The following SNTG2 variants were observed in gnomAD, a reference collection of about 807,000 sequenced individuals.
The protein encoded by SNTG2 is gamma-2-syntrophin.
A neutral mutation model predicts 70.9 loss-of-function variants in SNTG2; 74 were observed. The observed-to-expected ratio is 1.04, with a 90% confidence interval of 0.86 to 1.27. The LOEUF is 1.27. Among genes scored for constraint, SNTG2 ranks in the 50% most tolerant of loss-of-function variants. The pLI, the probability that SNTG2 is intolerant of heterozygous loss-of-function variation, is 0.00. For missense variants in SNTG2, 717 were observed against 690.7 expected (o/e 1.04, Z -0.43); for synonymous variants, 278 against 273.8 (o/e 1.02, Z -0.15).
At chr2:1,301,758 A>AT (rs201463773) in intron 14 of SNTG2, among the ~76,000 whole-genome samples, 2 of 152,180 alleles carry the variant, frequency 1.3e-5, no homozygotes, top group East Asian at 3.8e-4. Flanking sequence ...TATTTTAGTA[A>AT]TTAAAAAAAT....
intron 13 of SNTG2, among the ~76,000 whole-genome samples, chr2:1,265,838 G>T (rs1278799867): frequency 2.6e-5 from 4 of 152,224 alleles, no homozygotes; most frequent in African/African-American, 9.6e-5. Flanking sequence ...CATATGCAGG[G>T]CTGTGGGTGA....
At chr2:1,045,921 A>G (rs1661709009) in intron 1 of SNTG2, among the ~76,000 whole-genome samples, 1 of 151,954 alleles carries the variant, frequency 6.6e-6, no homozygotes, top group Non-Finnish European at 1.5e-5. Context: ...TCCTGAATAT[A>G]TTTGTTAGTA....
chr2:1,272,502 T>TCCCAGGAGCAGGTGTAGAAAGGACAA (rs1679080273), intron 14 of SNTG2, among the ~76,000 whole-genome samples: 1 of 130,896 alleles, frequency 7.6e-6, no homozygotes, highest in African/African-American at 2.9e-5. Context: ...TGTTAGGACA[T>TCCCAGGAGCAGGTGTAGAAAGGACAA]CCCAGGAGCA....
intron 8 of SNTG2, among the ~76,000 whole-genome samples, chr2:1,205,147 G>A (rs1031950674): frequency 1.3e-5 from 2 of 152,128 alleles, no homozygotes; most frequent in African/African-American, 4.8e-5. Flanking sequence ...TTAAGAGTGT[G>A]CTCCGAACAC....
intron 6 of SNTG2, among the ~76,000 whole-genome samples, chr2:1,141,888 A>G (rs1237559501): frequency 6.6e-6 from 1 of 152,174 alleles, no homozygotes; most frequent in Non-Finnish European, 1.5e-5. Context: ...TTAGTCCCAC[A>G]TTGTGACAGG....
intron 14 of SNTG2, among the ~76,000 whole-genome samples, chr2:1,301,910 G>T (rs1037231612): frequency 3.3e-5 from 5 of 151,956 alleles, no homozygotes; most frequent in Non-Finnish European, 5.9e-5. Flanking sequence ...GGGCCATGGT[G>T]AGCGAGAGTG....
At chr2:1,110,275 T>C (rs77054563) in intron 4 of SNTG2, among the ~76,000 whole-genome samples, 4,048 of 152,242 alleles carry the variant, frequency 0.027, 168 homozygotes, top group African/African-American at 0.092. Flanking sequence ...CAGAGACTTA[T>C]GAGCTTTGTG....
intron 1 of SNTG2, among the ~76,000 whole-genome samples, chr2:984,829 A>AACCCAG (rs1452750263): frequency 1.3e-5 from 2 of 152,214 alleles, no homozygotes; most frequent in South Asian, 4.1e-4. Flanking sequence ...TCAGTTCCTG[A>AACCCAG]ACCCAGACCT....
chr2:975,153 T>G (rs1246120097), intron 1 of SNTG2, among the ~76,000 whole-genome samples: 1 of 151,656 alleles, frequency 6.6e-6, no homozygotes, highest in Non-Finnish European at 1.5e-5. Context: ...ACCACACCCT[T>G]CCACTCACAC....
chr2:1,142,707 A>G (rs1357876257), intron 6 of SNTG2, among the ~76,000 whole-genome samples: 1 of 152,208 alleles, frequency 6.6e-6, no homozygotes, highest in Non-Finnish European at 1.5e-5. Context: ...AAGTAATTAA[A>G]CAAATTCAAT....
chr2:1,115,520 C>T (rs1276458752), intron 4 of SNTG2, among the ~76,000 whole-genome samples: 1 of 150,956 alleles, frequency 6.6e-6, no homozygotes, highest in African/African-American at 2.4e-5. Flanking sequence ...TGAGGAGGAT[C>T]ATGTGTACTA....
chr2:1,248,061 A>T (rs572103161), intron 12 of SNTG2, among the ~76,000 whole-genome samples: 1 of 152,238 alleles, frequency 6.6e-6, no homozygotes, highest in African/African-American at 2.4e-5. Flanking sequence ...CAAACTAAAA[A>T]CCTGAGAGCT....
At chr2:1,088,272 C>A (rs1664803527) in intron 2 of SNTG2, among the ~76,000 whole-genome samples, 1 of 152,210 alleles carries the variant, frequency 6.6e-6, no homozygotes, top group African/African-American at 2.4e-5. Flanking sequence ...GTTAACTCTT[C>A]CATTTTTCTC....
intron 13 of SNTG2, chr2:1,262,954 G>C (rs1678526495): frequency 6.6e-6 from 1 of 152,272 alleles, no homozygotes; most frequent in Admixed American, 6.5e-5. Flanking sequence ...CACAAGGTCT[G>C]AGTGATTGTT....
At chr2:1,133,542 G>GT (rs1372652065) in intron 4 of SNTG2, among the ~76,000 whole-genome samples, 2 of 152,164 alleles carry the variant, frequency 1.3e-5, no homozygotes, top group African/African-American at 2.4e-5. Context: ...GGCAGTGGCT[G>GT]TATTACCGTA....
At chr2:1,266,324 GA>G (rs1203058328) in intron 13 of SNTG2, among the ~76,000 whole-genome samples, 15 of 152,142 alleles carry the variant, frequency 9.9e-5, no homozygotes, top group African/African-American at 3.4e-4. Context: ...AATGAATCCC[GA>G]AGTGGGGTGC....
At chr2:1,360,238 G>A (rs773204639) in intron 16 of SNTG2, among the ~76,000 whole-genome samples, 49 of 152,144 alleles carry the variant, frequency 3.2e-4, no homozygotes, top group South Asian at 1.7e-3. Flanking sequence ...GCAGCCTCTG[G>A]GGGACAGTCT....
At chr2:1,157,020 C>T (rs541507271) in intron 6 of SNTG2, among the ~76,000 whole-genome samples, 38 of 152,226 alleles carry the variant, frequency 2.5e-4, no homozygotes, top group African/African-American at 8.4e-4. Flanking sequence ...CAGGAAAAGT[C>T]ATTTGCTCCA....
chr2:1,227,891 G>A (rs571021036), intron 9 of SNTG2, among the ~76,000 whole-genome samples: 5 of 152,302 alleles, frequency 3.3e-5, no homozygotes, highest in East Asian at 1.9e-4. Flanking sequence ...ACCAAACACC[G>A]CTCTGCTGGG....
Sources: allele counts gnomAD v4.1 joint callset (sites outside exome capture counted in the v4.1 genomes callset), GRCh38; gene constraint gnomAD v4.1.1; transcripts MANE v1.5; gene names NCBI Gene and HGNC (gene_info 2026-07-23, HGNC 2026-07-21).